The following TMEM109 variants were observed in gnomAD, a reference collection of about 807,000 sequenced individuals.
The protein encoded by TMEM109 is transmembrane protein 109, also known as voltage-gated monoatomic cation channel TMEM109.
TMEM109 carries 19 observed loss-of-function variants against 26.4 expected under a neutral mutation model. That is an observed-to-expected ratio of 0.72 (90% CI 0.50 to 1.06). The LOEUF (loss-of-function observed/expected upper bound fraction) is 1.06, where lower values mean the gene tolerates loss of function less well. Ranked by LOEUF, TMEM109 falls within the 50% of genes least tolerant of loss-of-function variation. TMEM109 has a pLI of 0.00. For missense variants in TMEM109, 262 were observed against 303.4 expected (o/e 0.86, Z 1.01); for synonymous variants, 129 against 142.0 (o/e 0.91, Z 0.65).
At chr11:60,917,956 C>T (rs950450271) in intron 1 of TMEM109, among the ~76,000 whole-genome samples, 13 of 152,310 alleles carry the variant, frequency 8.5e-5, no homozygotes, top group Admixed American at 1.3e-4. Context: ...AGCCACTGTG[C>T]CTGGCCTGTA....
In TMEM109 at chr11:60,922,335, C is replaced by T. The variant is rs1272336926; in HGVS notation, c.*170C>T. The T allele has an allele frequency of 2.6e-6, 4 of 1,536,126 alleles. No homozygotes were observed. Among genetic ancestry groups the T allele is most frequent in the Non-Finnish European group, 3.5e-6 (4 of 1,146,492 alleles). Reference sequence around the variant, plus strand: ...AAGAGAAACAGAGAAAGACCATTCCCCCTGCCTGTCCTTGCGGCCCTGTCT... The same window carrying T: ...AAGAGAAACAGAGAAAGACCATTCCTCCTGCCTGTCCTTGCGGCCCTGTCT... On this transcript the variant is annotated 3_prime_UTR_variant, in exon 4 of 4. Transcript: ENST00000227525.
At chr11:60,921,691 C>A in intron 3 of TMEM109, 83 bp from the exon 4 acceptor site, 1 of 1,059,838 alleles carries the variant, frequency 9.4e-7, no homozygotes, top group South Asian at 1.4e-5. Context: ...GTGCCTAGCA[C>A]CTCCCACCCT....
chr11:60,914,505 G>T (rs1234819772), intron 1 of TMEM109, among the ~76,000 whole-genome samples: 1 of 152,214 alleles, frequency 6.6e-6, no homozygotes, highest in Non-Finnish European at 1.5e-5. Context: ...TTGCGGCGAG[G>T]TTCCGAGGTC....
intron 1 of TMEM109, 143 bp from the exon 2 acceptor site, chr11:60,919,543 C>G: frequency 1.5e-6 from 1 of 674,938 alleles, no homozygotes; most frequent in Non-Finnish European, 2.6e-6. Flanking sequence ...AGTCCTTCCT[C>G]TCCCAGCTAA....
intron 1 of TMEM109, among the ~76,000 whole-genome samples, chr11:60,915,940 C>T (rs754795627): frequency 2.0e-5 from 3 of 152,202 alleles, no homozygotes; most frequent in Non-Finnish European, 4.4e-5. Flanking sequence ...TTGCTGTCCT[C>T]TCATACCTCT....
At chr11:60,920,587 A>G (rs1856224956) in intron 2 of TMEM109, among the ~76,000 whole-genome samples, 1 of 152,172 alleles carries the variant, frequency 6.6e-6, no homozygotes, top group South Asian at 2.1e-4. Flanking sequence ...ACACAAGTAC[A>G]CCTACTACTC....
At chr11:60,921,150 C>T (rs986317495) in intron 3 of TMEM109, among the ~76,000 whole-genome samples, 162 bp downstream of exon 3, 1 of 152,170 alleles carries the variant, frequency 6.6e-6, no homozygotes, top group Non-Finnish European at 1.5e-5. Context: ...CTACCATGGC[C>T]AGGTGTGGTG....
chr11:60,922,039 C>T lies in TMEM109; in HGVS notation c.606C>T (p.Leu202=), dbSNP rs780542797. ...LLILYALLSR[L]TGSRASGAQL... is the part of the protein sequence containing the mutation. ...TCCTCTACGCCCTGCTGAGCCGGCT[C>T]ACTGGCTCCCGAGCCTCTGGGGCCC... Residue 202 remains leucine (L), a synonymous_variant, in exon 4 of 4, where the codon CTC becomes CTT. Transcript: ENST00000227525. 2 of 1,612,402 alleles carry T rather than the reference C, an allele frequency of 1.2e-6. No homozygotes were observed. The highest frequency in any genetic ancestry group is 3.3e-5 in the Admixed American group (2 of 60,032).
At chr11:60,915,527 C>G (rs1251645388) in intron 1 of TMEM109, among the ~76,000 whole-genome samples, 1 of 152,176 alleles carries the variant, frequency 6.6e-6, no homozygotes, top group Non-Finnish European at 1.5e-5. Context: ...AGTGAGTAGC[C>G]CTGGGTGGGG....
intron 1 of TMEM109, 150 bp from the exon 2 acceptor site, chr11:60,919,536 C>T (rs1450766004): frequency 3.1e-6 from 2 of 650,944 alleles, no homozygotes; most frequent in Non-Finnish European, 5.4e-6. Context: ...AAGTCCCAGT[C>T]CTTCCTCTCC....
At chr11:60,914,625 G>A (rs1856152439) in intron 1 of TMEM109, among the ~76,000 whole-genome samples, 1 of 152,196 alleles carries the variant, frequency 6.6e-6, no homozygotes, top group African/African-American at 2.4e-5. Context: ...CGAGCCCTTC[G>A]GGGGGCCCCA....
At chr11:60,918,765 C>T (rs1225746445) in intron 1 of TMEM109, 1 of 152,182 alleles carries the variant, frequency 6.6e-6, no homozygotes, top group African/African-American at 2.4e-5. Context: ...GAGTTTTGCT[C>T]TTCAAACCAT....
intron 3 of TMEM109, among the ~76,000 whole-genome samples, chr11:60,921,352 A>G (rs1377299102): frequency 6.6e-6 from 1 of 152,116 alleles, no homozygotes; most frequent in Non-Finnish European, 1.5e-5. Flanking sequence ...CCCAGGAGGT[A>G]GAGGTTGCAG....
chr11:60,921,888 T>C lies in TMEM109; in HGVS notation c.455T>C (p.Val152Ala). Reference sequence around the variant, plus strand: ...CTGCTGTCTCTGCTCCTCGGCTTGGTCTTGGCCTTGCTGGGGCGGATCCTG... The same window carrying C: ...CTGCTGTCTCTGCTCCTCGGCTTGGCCTTGGCCTTGCTGGGGCGGATCCTG... ...YWLLSLLLGL[V>A]LALLGRILWG... The change falls in exon 4 of 4, where the codon GTC becomes GCC. Residue 152 changes from valine (V) to alanine (A), a missense_variant. Coordinates refer to ENST00000227525, the MANE Select transcript of TMEM109 (RefSeq NM_024092.3). 6.2e-7 allele frequency: 1 copy of C among 1,614,148 alleles called. No homozygotes were observed. Among genetic ancestry groups the C allele is most frequent in the South Asian group, 1.1e-5 (1 of 91,074 alleles).
Position 60,922,482 on chromosome 11 carries a change from C to A in TMEM109, c.*317C>A. 1.1e-6 allele frequency: 1 copy of A among 933,938 alleles called. No individual in the cohort carries two copies. The allele number at this position is 933,938 out of a possible 1,614,324, so 57.9% of individuals were successfully genotyped here. On this transcript the variant is annotated 3_prime_UTR_variant, in exon 4 of 4. Coordinates refer to ENST00000227525, the MANE Select transcript of TMEM109 (RefSeq NM_024092.3). ...GCATCTGCGCCAGCAAACATCACTG[C>A]CGTTGGTCTCTCATGACTTAACTGG...
At position 60,922,059 on chromosome 11, in the gene TMEM109, G is replaced by A. The variant is rs1856247872; in HGVS notation, c.626G>A (p.Gly209Glu). 2.5e-6 allele frequency: 4 copies of A among 1,613,332 alleles called. No homozygotes were observed. Among genetic ancestry groups the A allele is most frequent in the Middle Eastern group, 1.7e-4 (1 of 6,046 alleles). The change falls in exon 4 of 4, where the codon GGG becomes GAG. Residue 209 changes from glycine to glutamate, a missense_variant. Transcript: ENST00000227525. ...LSRLTGSRAS[G>E]AQLEAKVRGL... ...CGGCTCACTGGCTCCCGAGCCTCTGGGGCCCAACTCGAGGCCAAGGTGCGA... is the reference window on the plus strand; with the variant it reads ...CGGCTCACTGGCTCCCGAGCCTCTGAGGCCCAACTCGAGGCCAAGGTGCGA...
chr11:60,922,386 C>A lies in TMEM109; in HGVS notation c.*221C>A. On this transcript the variant is annotated 3_prime_UTR_variant, in exon 4 of 4. Transcript: ENST00000227525. ...TCTGAGGTTCTCTGTCTGGGGTTGG[C>A]TCTCTTAACCCTTTCTCTGCTCCCA... 6.5e-7 allele frequency: 1 copy of A among 1,528,704 alleles called. No individual in the cohort carries two copies. The highest frequency in any genetic ancestry group is 8.8e-7 in the Non-Finnish European group (1 of 1,142,236). 94.7% of individuals were successfully genotyped at this position (1,528,704 alleles called of 1,614,324 possible).
rs772917152 is a variant in TMEM109, at chr11:60,919,799, C to T, written c.106C>T (p.Arg36Cys). ...CCTCCACTCAGCATTGGCCCAGTCC[C>T]GTCGAGACTTTGCACCACCAGGCCA... is the stretch of plus-strand genomic sequence containing the variant. ...ILLHSALAQS[R>C]RDFAPPGQQK... Residue 36 changes from arginine (R) to cysteine (C), a missense_variant, in exon 2 of 4, where the codon CGT (arginine) becomes TGT (cysteine). Arg to Cys is a radical substitution (Grantham distance 180). Transcript: ENST00000227525. The T allele has an allele frequency of 3.6e-5, 58 of 1,614,040 alleles. No individual in the cohort carries two copies. Among genetic ancestry groups the T allele is most frequent in the Admixed American group, 6.7e-5 (4 of 59,994 alleles).
intron 2 of TMEM109, among the ~76,000 whole-genome samples, chr11:60,920,589 C>A (rs1478968018): frequency 6.6e-6 from 1 of 152,182 alleles, no homozygotes. Flanking sequence ...ACAAGTACAC[C>A]TACTACTCCC....
Sources: gnomAD v4.1 joint callset for allele counts (sites outside exome capture counted in the v4.1 genomes callset) on GRCh38, gnomAD v4.1.1 for gene constraint, MANE v1.5 for transcripts, NCBI Gene and HGNC (gene_info 2026-07-23, HGNC 2026-07-21) for gene names.